Variants in LRRIQ4 observed in about 807,000 individuals in gnomAD.
LRRIQ4 encodes leucine rich repeats and IQ motif containing 4.
LRRIQ4 carries 21 observed loss-of-function variants against 40.1 expected under a neutral mutation model. The ratio of observed to expected loss-of-function variants is 0.52; its 90% CI spans 0.37 to 0.75. The LOEUF is 0.75. Among genes scored for constraint, LRRIQ4 ranks in the 30% least tolerant of loss-of-function variants. The pLI, the probability that LRRIQ4 is intolerant of heterozygous loss-of-function variation, is 0.00. For synonymous variants in LRRIQ4, 277 were observed against 277.1 expected, an observed-to-expected ratio of 1.00 and a Z score of 0.00; for missense variants, 655 against 660.0, an observed-to-expected ratio of 0.99 and a Z score of 0.08.
At chr3:169,815,414 A>T (rs562778786) in intron 1 of LRRIQ4, among the ~76,000 whole-genome samples, 2 of 151,964 alleles carry the variant, frequency 1.3e-5, no homozygotes, top group Admixed American at 1.3e-4. Flanking sequence ...TGTAAATGGG[A>T]TTATTTTCTT....
rs765472620 is a variant in LRRIQ4, at chr3:169,822,519, A to G, written c.598A>G (p.Ile200Val). 1.9e-6 allele frequency: 3 copies of G among 1,613,990 alleles called. No individual in the cohort carries two copies. In the South Asian group the frequency reaches 3.3e-5, roughly 18 times the overall value. ...AATCATTGACCTGGACGAGAACAAA[A>G]TAGGTGCCATCCCAGAAGAGATCGG... ...LEIIDLDENKIGAIPEEIGHL... is the reference protein window; with the variant it reads ...LEIIDLDENKVGAIPEEIGHL... Residue 200 changes from isoleucine to valine, a missense_variant, in exon 2 of 6, where the codon ATA becomes GTA. Ile to Val is a conservative substitution (Grantham distance 29). Coordinates refer to ENST00000340806, the MANE Select transcript of LRRIQ4 (RefSeq NM_001080460.3).
intron 5 of LRRIQ4, among the ~76,000 whole-genome samples, chr3:169,834,160 G>C (rs1440421145): frequency 1.3e-5 from 2 of 152,142 alleles, no homozygotes; most frequent in Admixed American, 6.5e-5. Context: ...TCAGGAGTTC[G>C]AGATCAGCCT....
rs1920119 is a variant in LRRIQ4, at chr3:169,822,609, T to C, written c.688T>C (p.Leu230=). ...SNNLPVLPAS[L]CQCSQLSVLD... ...CAACCTTCCCGTTCTGCCCGCGTCC[T>C]TGTGCCAGTGTAGCCAACTGTCGGT... is the stretch of plus-strand genomic sequence containing the variant. The change falls in exon 2 of 6, where the codon TTG becomes CTG. Residue 230 remains leucine (L), a synonymous_variant. Transcript: ENST00000340806. 0.44 allele frequency: 705,691 copies of C among 1,613,782 alleles called. 161,768 individuals are homozygous for C. The highest frequency in any genetic ancestry group is 0.76 in the East Asian group (34,015 of 44,868).
At chr3:169,820,327 C>G (rs1192913177) in intron 1 of LRRIQ4, among the ~76,000 whole-genome samples, 1 of 150,228 alleles carries the variant, frequency 6.7e-6, no homozygotes, top group Non-Finnish European at 1.5e-5. Context: ...ACAATATTCA[C>G]ATCTTGCATT....
intron 1 of LRRIQ4, among the ~76,000 whole-genome samples, chr3:169,821,293 G>A (rs1779882248): frequency 6.6e-6 from 1 of 152,096 alleles, no homozygotes; most frequent in Admixed American, 6.6e-5. Context: ...AGGATCTTTT[G>A]CAACCTTCTA....
chr3:169,826,198 C>A (rs1208607271), intron 2 of LRRIQ4, among the ~76,000 whole-genome samples: 1 of 152,006 alleles, frequency 6.6e-6, no homozygotes, highest in African/African-American at 2.4e-5. Context: ...TTGAGACCAG[C>A]CTGGCCAACG....
intron 1 of LRRIQ4, among the ~76,000 whole-genome samples, chr3:169,816,143 G>A (rs1311905530): frequency 6.6e-6 from 1 of 152,106 alleles, no homozygotes; most frequent in African/African-American, 2.4e-5. Flanking sequence ...GTGTGTCTTT[G>A]GTTTTGGTGT....
chr3:169,820,662 C>A (rs1439819327), intron 1 of LRRIQ4, among the ~76,000 whole-genome samples: 1 of 151,276 alleles, frequency 6.6e-6, no homozygotes, highest in African/African-American at 2.4e-5. Flanking sequence ...ACTGAGAATT[C>A]TAATCCATGG....
chr3:169,829,790 C>G (rs1780121724), intron 3 of LRRIQ4, among the ~76,000 whole-genome samples: 2 of 152,330 alleles, frequency 1.3e-5, no homozygotes, highest in African/African-American at 2.4e-5. Flanking sequence ...CATAAACCAC[C>G]GTGTCTGACC....
chr3:169,836,713 C>T (rs1576773743), intron 5 of LRRIQ4, among the ~76,000 whole-genome samples: 1 of 152,134 alleles, frequency 6.6e-6, no homozygotes, highest in Non-Finnish European at 1.5e-5. Flanking sequence ...CAAGCAAATC[C>T]TTGAAGCAGC....
chr3:169,820,853 C>T (rs1779871921), intron 1 of LRRIQ4, among the ~76,000 whole-genome samples: 1 of 152,200 alleles, frequency 6.6e-6, no homozygotes, highest in African/African-American at 2.4e-5. Context: ...GTCCAGCCTG[C>T]AATTTTCCCT....
At chr3:169,821,572 G>A (rs941091338) in intron 1 of LRRIQ4, among the ~76,000 whole-genome samples, 30 of 151,188 alleles carry the variant, frequency 2.0e-4, no homozygotes, top group Non-Finnish European at 3.0e-4. Flanking sequence ...CCCAGGAGGC[G>A]GAGGTTGTAG....
chr3:169,830,409 A>AAAAAAAAAAAAAAAAAT, intron 3 of LRRIQ4, 83 bp from the exon 4 acceptor site: 1 of 508,544 alleles, frequency 2.0e-6, no homozygotes. Context: ...AAAAAAAAAA[A>AAAAAAAAAAAAAAAAAT]TGCATGAGCA....
intron 3 of LRRIQ4, among the ~76,000 whole-genome samples, chr3:169,829,521 CT>C (rs201572669): frequency 0.016 from 2,368 of 146,748 alleles, 69 homozygotes; most frequent in African/African-American, 0.056. Context: ...TGTTGCTGCA[CT>C]TTTTTTTTTG....
chr3:169,819,829 G>A (rs1779841320), intron 1 of LRRIQ4, among the ~76,000 whole-genome samples: 1 of 152,144 alleles, frequency 6.6e-6, no homozygotes, highest in African/African-American at 2.4e-5. Context: ...ACATACTGTG[G>A]AGAATTTTCA....
chr3:169,822,934 T>C lies in LRRIQ4; in HGVS notation c.1013T>C (p.Ile338Thr). The change falls in exon 2 of 6, where the codon ATA (isoleucine) becomes ACA (threonine). Residue 338 changes from isoleucine to threonine, a missense_variant. Physicochemically the swap from Ile to Thr is moderately conservative, Grantham distance 89. Transcript: ENST00000340806. ...LEVLGLDDNK[I>T]GQLPSELGSL... Reference sequence around the variant, plus strand: ...GTCCTGGGACTGGATGACAATAAAATAGGACAGGTACGGATTCCTTTTCTG... The same window carrying C: ...GTCCTGGGACTGGATGACAATAAAACAGGACAGGTACGGATTCCTTTTCTG... 6.5e-7 allele frequency: 1 copy of C among 1,531,682 alleles called. No homozygotes were observed. Among genetic ancestry groups the C allele is most frequent in the Non-Finnish European group, 8.8e-7 (1 of 1,141,378 alleles). 94.9% of individuals were successfully genotyped at this position (1,531,682 alleles called of 1,614,324 possible).
At chr3:169,820,264 TG>T (rs1193108383) in intron 1 of LRRIQ4, among the ~76,000 whole-genome samples, 2 of 150,378 alleles carry the variant, frequency 1.3e-5, no homozygotes, top group African/African-American at 4.9e-5. Context: ...TGTGTGTGTG[TG>T]TGTGTGTGTG....
chr3:169,823,948 A>G (rs557311742), intron 2 of LRRIQ4, among the ~76,000 whole-genome samples: 4 of 152,320 alleles, frequency 2.6e-5, no homozygotes, highest in African/African-American at 9.6e-5. Flanking sequence ...CTGGTACTGT[A>G]TTGCCAATAT....
At chr3:169,823,356 T>C (rs1479409542) in intron 2 of LRRIQ4, among the ~76,000 whole-genome samples, 3 of 149,230 alleles carry the variant, frequency 2.0e-5, no homozygotes, top group African/African-American at 5.0e-5. Context: ...TTTTTTTTTT[T>C]CTCTTCCCCG....
Sources: gnomAD v4.1 joint callset for allele counts (sites outside exome capture counted in the v4.1 genomes callset) on GRCh38, gnomAD v4.1.1 for gene constraint, MANE v1.5 for transcripts, NCBI Gene and HGNC (gene_info 2026-07-23, HGNC 2026-07-21) for gene names.